The following MEIS1 variants were observed in gnomAD, a reference collection of about 807,000 sequenced individuals.
MEIS1 encodes the protein homeobox protein Meis1.
In MEIS1, 5 loss-of-function variants were observed where a neutral mutation model predicts 50.8. That is an observed-to-expected ratio of 0.10 (90% CI 0.05 to 0.21). The LOEUF is 0.21. Ranked by LOEUF, MEIS1 falls within the 10% of genes least tolerant of loss-of-function variation. The probability of loss-of-function intolerance (pLI) is 1.00; values close to 1 mark genes in which losing one functional copy is unlikely to be tolerated. For missense variants in MEIS1, 318 were observed against 517.3 expected, an observed-to-expected ratio of 0.61 and a Z score of 3.74; for synonymous variants, 176 against 179.3, an observed-to-expected ratio of 0.98 and a Z score of 0.15.
At chr2:66,451,635 G>A (rs1672278592) in intron 6 of MEIS1, among the ~76,000 whole-genome samples, 1 of 152,032 alleles carries the variant, frequency 6.6e-6, no homozygotes, top group Non-Finnish European at 1.5e-5. Context: ...ATAATTAACT[G>A]TGACCTATAG....
chr2:66,561,234 A>G (rs1186903675), intron 9 of MEIS1, among the ~76,000 whole-genome samples: 2 of 152,156 alleles, frequency 1.3e-5, no homozygotes, highest in African/African-American at 4.8e-5. Context: ...AAAAGTTATT[A>G]AGGGATGCTG....
chr2:66,540,752 A>C (rs2103915232), intron 8 of MEIS1, among the ~76,000 whole-genome samples: 1 of 152,338 alleles, frequency 6.6e-6, no homozygotes, highest in South Asian at 2.1e-4. Context: ...ATAAGTAATC[A>C]CTAATTTGGA....
chr2:66,498,249 A>G (rs942177967), intron 7 of MEIS1, among the ~76,000 whole-genome samples: 4 of 152,158 alleles, frequency 2.6e-5, no homozygotes, highest in African/African-American at 9.7e-5. Context: ...GATGCGCGAA[A>G]CATTTTTATA....
intron 7 of MEIS1, among the ~76,000 whole-genome samples, chr2:66,506,651 C>G (rs1673691060): frequency 6.6e-6 from 1 of 152,182 alleles, no homozygotes; most frequent in Non-Finnish European, 1.5e-5. Context: ...TTAGAAAAAT[C>G]ATTCTGGCAG....
chr2:66,495,080 C>CTTTTTT lies in MEIS1; in HGVS notation c.743-17046_743-17041dup, dbSNP rs70943701. On this transcript the variant is annotated intron_variant, in intron 7 of 12. Coordinates refer to ENST00000272369, the MANE Select transcript of MEIS1 (RefSeq NM_002398.3). ...GAATGCCCACTTTCCCTCTTCTGACCTTTTTTTTTTTTTTTTTTTTTTTTT... is the reference window on the plus strand; with the variant it reads ...GAATGCCCACTTTCCCTCTTCTGACCTTTTTTTTTTTTTTTTTTTTTTTTTTTTTTT... Among the ~76,000 whole-genome samples, 22 of 91,492 alleles carry CTTTTTT rather than the reference C, an allele frequency of 2.4e-4. 9 individuals carry two copies. The highest frequency in any genetic ancestry group is 3.5e-4 in the Non-Finnish European group (17 of 48,552). The allele number at this position is 91,492 out of a possible 152,430, so 60.0% of individuals were successfully genotyped here. A position where few individuals can be genotyped will look rare whatever the true frequency, so the allele number is the denominator to read the frequency against.
intron 6 of MEIS1, among the ~76,000 whole-genome samples, chr2:66,457,288 G>GGTGC (rs1486177607): frequency 6.6e-6 from 1 of 151,848 alleles, no homozygotes; most frequent in African/African-American, 2.4e-5. Flanking sequence ...GCAAATTATA[G>GGTGC]GTGCTCAATA....
intron 7 of MEIS1, among the ~76,000 whole-genome samples, chr2:66,473,082 A>G (rs1241659643): frequency 6.6e-6 from 1 of 152,130 alleles, no homozygotes; most frequent in East Asian, 1.9e-4. Context: ...GCCAAGTTGT[A>G]ATATAGTAAT....
chr2:66,538,873 AAG>A (rs1674581148), intron 8 of MEIS1, among the ~76,000 whole-genome samples: 1 of 152,038 alleles, frequency 6.6e-6, no homozygotes, highest in Non-Finnish European at 1.5e-5. Context: ...TGATCCTTAA[AAG>A]AGTTTTTTTT....
intron 7 of MEIS1, among the ~76,000 whole-genome samples, chr2:66,470,117 C>G (rs560407376): frequency 2.2e-4 from 33 of 152,276 alleles, no homozygotes; most frequent in African/African-American, 7.7e-4. Context: ...CTGTACCTCT[C>G]CAGGGACTTC....
At chr2:66,485,038 G>T (rs1474186763) in intron 7 of MEIS1, among the ~76,000 whole-genome samples, 1 of 152,032 alleles carries the variant, frequency 6.6e-6, no homozygotes, top group Non-Finnish European at 1.5e-5. Flanking sequence ...GGTGTGAGAT[G>T]ATTTTTTTGT....
At chr2:66,537,087 A>G (rs2103907243) in intron 8 of MEIS1, among the ~76,000 whole-genome samples, 1 of 152,250 alleles carries the variant, frequency 6.6e-6, no homozygotes, top group South Asian at 2.1e-4. Context: ...GCTGCTTGAG[A>G]GTGTCTGTTA....
chr2:66,472,203 TAAG>T (rs1442807663), intron 7 of MEIS1, among the ~76,000 whole-genome samples: 10 of 152,144 alleles, frequency 6.6e-5, no homozygotes, highest in Admixed American at 5.2e-4. Context: ...AGGAAATAAA[TAAG>T]GAGAGAATTC....
At position 66,573,304 on chromosome 2, in the gene MEIS1, T is replaced by C. The variant is rs1433666015; in HGVS notation, c.*2096T>C. On this transcript the variant is annotated 3_prime_UTR_variant, in exon 13 of 13. Transcript: ENST00000272369. ...TAAGCTGGAATAGCTTATAATTTTA[T>C]TTAAATAAAATTGCTGCTATAAAAA... The C allele has an allele frequency of 3.3e-5, 5 of 152,254 alleles. No homozygotes were observed. Among genetic ancestry groups the C allele is most frequent in the African/African-American group, 1.2e-4 (5 of 41,466 alleles). The allele number at this position is 152,254 out of a possible 1,614,324, so 9.4% of individuals were successfully genotyped here.
intron 8 of MEIS1, among the ~76,000 whole-genome samples, chr2:66,526,210 T>G (rs1674247477): frequency 6.6e-6 from 1 of 152,248 alleles, no homozygotes; most frequent in African/African-American, 2.4e-5. Flanking sequence ...TACCTATTAA[T>G]CATTGCTTAG....
intron 7 of MEIS1, among the ~76,000 whole-genome samples, chr2:66,487,104 T>C (rs1360614836): frequency 6.6e-6 from 1 of 152,236 alleles, no homozygotes; most frequent in Non-Finnish European, 1.5e-5. Context: ...CTTGCCTGAT[T>C]GTCCTGGCCA....
chr2:66,560,630 T>C (rs558392059), intron 9 of MEIS1, among the ~76,000 whole-genome samples: 7 of 151,904 alleles, frequency 4.6e-5, no homozygotes, highest in Non-Finnish European at 1.0e-4. Flanking sequence ...TATATGTAAT[T>C]ACCTTCCTCA....
At position 66,464,168 on chromosome 2, in the gene MEIS1, C is replaced by T; in HGVS notation, c.690C>T (p.Gly230=). ...TASTRSGGTP[G]PSSGGHTSHS... ...CTACTCGTTCAGGAGGAACCCCAGG[C>T]CCTTCCAGCGGTGGCCACACGTCAC... Residue 230 remains glycine, a synonymous_variant, in exon 7 of 13, where the codon GGC becomes GGT. Transcript: ENST00000272369. 1 of 1,606,340 alleles carries T rather than the reference C, an allele frequency of 6.2e-7. No individual in the cohort carries two copies.
chr2:66,474,593 G>T (rs1284662579), intron 7 of MEIS1, among the ~76,000 whole-genome samples: 2 of 152,276 alleles, frequency 1.3e-5, no homozygotes, highest in South Asian at 4.1e-4. Context: ...TGTAGGCATG[G>T]TCTACCTGTT....
chr2:66,508,133 T>C (rs1203739073), intron 7 of MEIS1, among the ~76,000 whole-genome samples: 4 of 152,194 alleles, frequency 2.6e-5, no homozygotes, highest in African/African-American at 9.7e-5. Context: ...AACTGAAAAG[T>C]GTGGCCAAGA....
Sources: allele counts gnomAD v4.1 joint callset (sites outside exome capture counted in the v4.1 genomes callset), GRCh38; gene constraint gnomAD v4.1.1; transcripts MANE v1.5; gene names NCBI Gene and HGNC (gene_info 2026-07-23, HGNC 2026-07-21).